The following YAF2 variants were observed in gnomAD, a reference collection of about 807,000 sequenced individuals.
The protein encoded by YAF2 is YY1-associated factor 2.
In YAF2, 7 loss-of-function variants were observed where a neutral mutation model predicts 20.1. The ratio of observed to expected loss-of-function variants is 0.35; its 90% confidence interval spans 0.20 to 0.65. YAF2 has a LOEUF of 0.65. YAF2 is among the 30% of genes least tolerant of loss of function. The probability of loss-of-function intolerance (pLI) is 0.69; values close to 1 mark genes in which losing one functional copy is unlikely to be tolerated. For missense variants in YAF2, 151 were observed against 219.2 expected (o/e 0.69, Z 1.96); for synonymous variants, 74 against 76.0 (o/e 0.97, Z 0.14).
chr12:42,216,815 C>T lies in YAF2; in HGVS notation c.152+20784G>A, dbSNP rs78021697. ...AGGCAAACTATTACCTTCCCCCAAA[C>T]CTGTCTTCCTATTTGCTATCTCAGT... On this transcript the variant is annotated intron_variant, in intron 2 of 3. Coordinates refer to ENST00000534854, the MANE Select transcript of YAF2 (RefSeq NM_005748.6). Among the ~76,000 whole-genome samples, 1,209 of 152,268 alleles carry T rather than the reference C, an allele frequency of 7.9e-3. 39 individuals are homozygous for T. In the East Asian group the frequency reaches 0.1, roughly 13 times the overall value.
intron 2 of YAF2, among the ~76,000 whole-genome samples, chr12:42,204,939 T>C (rs2066997930): frequency 1.3e-5 from 2 of 152,192 alleles, no homozygotes; most frequent in Non-Finnish European, 1.5e-5. Flanking sequence ...GAAAATGTTC[T>C]AAAAATGACT....
Position 42,174,891 on chromosome 12 carries a change from A to AT in YAF2, c.153-13127dup, listed in dbSNP as rs143864583. Among the ~76,000 whole-genome samples the AT allele has an allele frequency of 7.0e-3, 1,059 of 152,330 alleles. 39 individuals are homozygous for AT. The East Asian group carries it at 0.085, about 12-fold the overall frequency. ...ATGACATTGAAAGTAATGAACATTA[A>AT]TTTTAATAATGAAAGTAGTCCCTGA... On this transcript the variant is annotated intron_variant, in intron 2 of 3. Coordinates refer to ENST00000534854, the MANE Select transcript of YAF2 (RefSeq NM_005748.6).
intron 2 of YAF2, among the ~76,000 whole-genome samples, chr12:42,209,243 T>C (rs2067136721): frequency 6.6e-6 from 1 of 150,550 alleles, no homozygotes; most frequent in South Asian, 2.1e-4. Flanking sequence ...AAAACTGTCA[T>C]TAAGAAGTGC....
intron 3 of YAF2, chr12:42,161,136 C>A: frequency 3.0e-6 from 1 of 333,432 alleles, no homozygotes; most frequent in South Asian, 3.7e-5. Flanking sequence ...TTTTAGACAA[C>A]AATGAAATAG....
chr12:42,220,434 T>C (rs972507576), intron 2 of YAF2, among the ~76,000 whole-genome samples: 1 of 152,170 alleles, frequency 6.6e-6, no homozygotes, highest in African/African-American at 2.4e-5. Context: ...GATTTTCTAG[T>C]AAAGGAAGAA....
At position 42,157,515 on chromosome 12, in the gene YAF2, G is replaced by A. The variant is rs1039135040; in HGVS notation, c.*3074C>T. 6.6e-6 allele frequency: 1 copy of A among 152,136 alleles called. No homozygotes were observed. The highest frequency in any genetic ancestry group is 6.5e-5 in the Admixed American group (1 of 15,282). The allele number at this position is 152,136 out of a possible 1,614,324, so 9.4% of individuals were successfully genotyped here. A position where few individuals can be genotyped will look rare whatever the true frequency, so the allele number is the denominator to read the frequency against. ...GAGTGGCGGAAGCCTCAGTGGAAAC[G>A]AAAACTTCTAGACCATTTACCATTA... On this transcript the variant is annotated 3_prime_UTR_variant, in exon 4 of 4. Transcript: ENST00000534854.
At chr12:42,230,808 G>C (rs1444330087) in intron 2 of YAF2, among the ~76,000 whole-genome samples, 4 of 152,156 alleles carry the variant, frequency 2.6e-5, no homozygotes, top group Non-Finnish European at 5.9e-5. Flanking sequence ...GGGTTTCAGA[G>C]ATATACACAG....
intron 2 of YAF2, among the ~76,000 whole-genome samples, chr12:42,190,362 A>C (rs1011633299): frequency 9.9e-5 from 15 of 152,202 alleles, no homozygotes; most frequent in Non-Finnish European, 2.1e-4. Flanking sequence ...ATAAACAATA[A>C]AATGAAAAAG....
rs548837960 is a variant in YAF2, at chr12:42,197,705, G to A, written c.153-35940C>T. On this transcript the variant is annotated intron_variant, in intron 2 of 3. Coordinates refer to ENST00000534854, the MANE Select transcript of YAF2 (RefSeq NM_005748.6). Reference sequence around the variant, plus strand: ...ATCAACATAAGAAAACATGTAACCCGAAAAACCTCACAATCTTAACATTTA... The same window carrying A: ...ATCAACATAAGAAAACATGTAACCCAAAAAACCTCACAATCTTAACATTTA... Among the ~76,000 whole-genome samples, 3 of 152,178 alleles carry A rather than the reference G, an allele frequency of 2.0e-5. No homozygotes were observed. In the East Asian group the frequency reaches 5.8e-4, roughly 29 times the overall value.
intron 2 of YAF2, among the ~76,000 whole-genome samples, chr12:42,171,054 G>T (rs1164543633): frequency 6.6e-6 from 1 of 151,974 alleles, no homozygotes; most frequent in African/African-American, 2.4e-5. Flanking sequence ...GTGCAGTGGC[G>T]TGATCTCGGC....
intron 2 of YAF2, chr12:42,233,049 A>G: frequency 8.1e-6 from 8 of 985,372 alleles, no homozygotes; most frequent in Non-Finnish European, 9.6e-6. Flanking sequence ...CTGTATGTCT[A>G]GTATCCAACT....
chr12:42,225,537 T>C (rs1237340625), intron 2 of YAF2, among the ~76,000 whole-genome samples: 1 of 152,226 alleles, frequency 6.6e-6, no homozygotes, highest in African/African-American at 2.4e-5. Context: ...CTTTAATCCA[T>C]CTTGAGTCAA....
chr12:42,165,024 C>T (rs1213057917), intron 2 of YAF2, among the ~76,000 whole-genome samples: 6 of 149,604 alleles, frequency 4.0e-5, no homozygotes. Flanking sequence ...CACTGCATTC[C>T]ACCCTGGGTG....
intron 2 of YAF2, among the ~76,000 whole-genome samples, chr12:42,229,421 TAAA>T (rs58885852): frequency 1.4e-5 from 2 of 143,242 alleles, no homozygotes; most frequent in Admixed American, 6.9e-5. Context: ...AAAAATAAAT[TAAA>T]AAAAAAAAAA....
At chr12:42,167,128 G>A (rs1250767296) in intron 2 of YAF2, among the ~76,000 whole-genome samples, 3 of 151,822 alleles carry the variant, frequency 2.0e-5, no homozygotes, top group African/African-American at 4.8e-5. Flanking sequence ...ATCACACACC[G>A]GGGCCTGTTG....
chr12:42,190,543 T>C (rs181074429), intron 2 of YAF2, among the ~76,000 whole-genome samples: 3 of 152,354 alleles, frequency 2.0e-5, no homozygotes, highest in Admixed American at 6.5e-5. Flanking sequence ...TCTTCACCAA[T>C]TACTTTTTCC....
intron 2 of YAF2, among the ~76,000 whole-genome samples, chr12:42,219,695 C>A (rs1221380995): frequency 6.6e-6 from 1 of 152,212 alleles, no homozygotes; most frequent in East Asian, 1.9e-4. Context: ...GGGATGAATA[C>A]CTCACACCCC....
intron 2 of YAF2, among the ~76,000 whole-genome samples, chr12:42,207,106 ACT>A: frequency 6.6e-6 from 1 of 152,246 alleles, no homozygotes; most frequent in Non-Finnish European, 1.5e-5. Flanking sequence ...GAATAAAAGC[ACT>A]CTCAATATAA....
At position 42,157,606 on chromosome 12, in the gene YAF2, A is replaced by C. The variant is rs574146960; in HGVS notation, c.*2983T>G. ...CTAAAAGTTAATAAACATGCTATCA[A>C]CTTAGAAAGGCTGAAGTTTCTCTTC... On this transcript the variant is annotated 3_prime_UTR_variant, in exon 4 of 4. Coordinates refer to ENST00000534854, the MANE Select transcript of YAF2 (RefSeq NM_005748.6). The C allele has an allele frequency of 6.6e-6, 1 of 152,202 alleles. No homozygotes were observed. Among genetic ancestry groups the C allele is most frequent in the Non-Finnish European group, 1.5e-5 (1 of 68,024 alleles). The allele number at this position is 152,202 out of a possible 1,614,324, so 9.4% of individuals were successfully genotyped here.
Sources: allele counts gnomAD v4.1 joint callset (sites outside exome capture counted in the v4.1 genomes callset), GRCh38; gene constraint gnomAD v4.1.1; transcripts MANE v1.5; gene names NCBI Gene and HGNC (gene_info 2026-07-23, HGNC 2026-07-21).